NUP153: variants seen among roughly 807,000 people sequenced by gnomAD.
NUP153 encodes the protein nuclear pore complex protein Nup153.
A neutral mutation model predicts 134.6 loss-of-function variants in NUP153; 27 were observed. The ratio of observed to expected loss-of-function variants is 0.20; its 90% CI spans 0.15 to 0.28. NUP153 has a LOEUF of 0.28. Ranked by LOEUF, NUP153 falls within the 10% of genes least tolerant of loss-of-function variation. NUP153 has a pLI of 1.00. For synonymous variants in NUP153, 640 were observed against 623.5 expected (o/e 1.03, Z -0.40); for missense variants, 1,821 against 1,731.3 (o/e 1.05, Z -0.92).
At chr6:17,642,420 C>T (rs990902122) in intron 14 of NUP153, among the ~76,000 whole-genome samples, 2 of 152,056 alleles carry the variant, frequency 1.3e-5, no homozygotes, top group Admixed American at 6.5e-5. Context: ...GGCATTCCTC[C>T]CTAAGATATT....
At chr6:17,704,287 G>A (rs1417224659) in intron 1 of NUP153, among the ~76,000 whole-genome samples, 2 of 136,664 alleles carry the variant, frequency 1.5e-5, no homozygotes, top group Non-Finnish European at 3.2e-5. Flanking sequence ...GCGAGACTCC[G>A]TCTCAAAAAA....
Position 17,624,755 on chromosome 6 carries a change from A to C in NUP153, c.3980T>G (p.Phe1327Cys). 1 of 1,614,128 alleles carries C rather than the reference A, an allele frequency of 6.2e-7. No individual in the cohort carries two copies. Among genetic ancestry groups the C allele is most frequent in the Non-Finnish European group, 8.5e-7 (1 of 1,180,012 alleles). The change falls in exon 20 of 22, where the codon TTT becomes TGT. Residue 1327 changes from phenylalanine (F) to cysteine (C), a missense_variant. Phe to Cys is a radical substitution (Grantham distance 205). Transcript: ENST00000262077. The stretch of plus-strand genomic sequence containing the variant: ...CTGGCTGGCACCTTGACTTTGTCCA[A>C]ATGTTGGGGTCTGGTTAGCACCAAA... ...PAFGANQTPT[F>C]GQSQGASQPN...
In NUP153 at chr6:17,625,755, C is replaced by T. The variant is rs1764905712; in HGVS notation, c.3901+53G>A. On this transcript the variant is annotated intron_variant, in intron 19 of 21. Coordinates refer to ENST00000262077, the MANE Select transcript of NUP153 (RefSeq NM_005124.4). The surrounding 1 kb of genome is among the most constrained non-coding windows in gnomAD (Gnocchi z 4.7). ...ATGATATTCGCTAAGAACTGACACA[C>T]TAATAAGTAAAGTCCATCCAATTAC... The T allele has an allele frequency of 1.5e-6, 2 of 1,353,344 alleles. No homozygotes were observed. Among genetic ancestry groups the T allele is most frequent in the African/African-American group, 2.9e-5 (2 of 69,490 alleles). 83.8% of individuals were successfully genotyped at this position (1,353,344 alleles called of 1,614,324 possible).
chr6:17,649,386 A>T, intron 11 of NUP153, 86 bp from the exon 12 acceptor site: 1 of 1,278,016 alleles, frequency 7.8e-7, no homozygotes, highest in Non-Finnish European at 1.1e-6. Flanking sequence ...AGTATACAGG[A>T]AGAAGATGGT....
chr6:17,663,097 T>C (rs1018414775), intron 9 of NUP153, among the ~76,000 whole-genome samples: 3 of 152,114 alleles, frequency 2.0e-5, no homozygotes, highest in Non-Finnish European at 4.4e-5. Flanking sequence ...TGACCACTGC[T>C]ATGCATTATG....
intron 11 of NUP153, among the ~76,000 whole-genome samples, chr6:17,654,710 A>G (rs1416542256): frequency 6.6e-6 from 1 of 152,216 alleles, no homozygotes; most frequent in Non-Finnish European, 1.5e-5. Flanking sequence ...AAGAGGAAAA[A>G]AAAGCCAAGA....
At chr6:17,704,920 C>A (rs1770380811) in intron 1 of NUP153, among the ~76,000 whole-genome samples, 1 of 152,120 alleles carries the variant, frequency 6.6e-6, no homozygotes. Flanking sequence ...CCACCACGCC[C>A]GGCTAATTTT....
At chr6:17,692,571 T>C (rs1769348736) in intron 1 of NUP153, among the ~76,000 whole-genome samples, 2 of 152,128 alleles carry the variant, frequency 1.3e-5, no homozygotes, top group South Asian at 4.1e-4. Context: ...AATAATAAAA[T>C]GGACCTGGAA....
chr6:17,649,048 CTA>C (rs1169897519), intron 12 of NUP153, 113 bp downstream of exon 12: 41 of 948,796 alleles, frequency 4.3e-5, no homozygotes, highest in Non-Finnish European at 5.7e-5. Context: ...TCTCTGTTTA[CTA>C]TGTTATTAAT....
At chr6:17,656,452 A>G (rs922832339) in intron 11 of NUP153, among the ~76,000 whole-genome samples, 18 of 152,052 alleles carry the variant, frequency 1.2e-4, no homozygotes, top group African/African-American at 3.9e-4. Context: ...TTATTTTTTT[A>G]AAGACAGAGT....
At position 17,651,963 on chromosome 6, in the gene NUP153, C is replaced by CACAT. The variant is rs561253872; in HGVS notation, c.1396-2667_1396-2664dup. Reference sequence around the variant, plus strand: ...TTTAAAAATTGGCGAGGTATGATGGCACATGCCTGTGGTCCCAGCTACTTG... The same window carrying CACAT: ...TTTAAAAATTGGCGAGGTATGATGGCACATACATGCCTGTGGTCCCAGCTACTTG... On this transcript the variant is annotated intron_variant, in intron 11 of 21. Coordinates refer to ENST00000262077, the MANE Select transcript of NUP153 (RefSeq NM_005124.4). 2.1e-3 allele frequency: 1,234 copies of CACAT among 592,426 alleles called. 5 individuals carry two copies. The highest frequency in any genetic ancestry group is 0.018 in the African/African-American group (1,014 of 55,708). The allele number at this position is 592,426 out of a possible 1,614,324, so 36.7% of individuals were successfully genotyped here. A position where few individuals can be genotyped will look rare whatever the true frequency, so the allele number is the denominator to read the frequency against.
At chr6:17,652,103 A>T (rs139138885) in intron 11 of NUP153, among the ~76,000 whole-genome samples, 3,180 of 152,246 alleles carry the variant, frequency 0.021, 35 homozygotes, top group Middle Eastern at 0.037. Flanking sequence ...TCACCAAATA[A>T]AAGTTGGCAA....
chr6:17,648,541 C>T (rs1480626712), intron 12 of NUP153, among the ~76,000 whole-genome samples: 2 of 152,000 alleles, frequency 1.3e-5, no homozygotes, highest in African/African-American at 4.8e-5. Context: ...CACTTGAACC[C>T]GGGAGGTGGA....
intron 17 of NUP153, among the ~76,000 whole-genome samples, chr6:17,630,074 C>T (rs973891429): frequency 3.9e-5 from 6 of 152,062 alleles, no homozygotes; most frequent in African/African-American, 1.2e-4. Flanking sequence ...AAAGGGAGTG[C>T]GGTATACAGA....
intron 8 of NUP153, among the ~76,000 whole-genome samples, chr6:17,665,816 C>T (rs2113821892): frequency 6.6e-6 from 1 of 152,036 alleles, no homozygotes; most frequent in East Asian, 1.9e-4. Context: ...CCACAGCCTC[C>T]TGTGTACACA....
At chr6:17,664,160 T>A (rs984486467) in intron 9 of NUP153, among the ~76,000 whole-genome samples, 2 of 152,070 alleles carry the variant, frequency 1.3e-5, no homozygotes, top group African/African-American at 4.8e-5. Context: ...TACTACGACG[T>A]GAATGAACCT....
rs1157656745 is a variant in NUP153, at chr6:17,616,611, T to C, written c.4259A>G (p.Asn1420Ser). ...SPSGVFTFGA[N>S]SSTPAASAQP... ...GGCTGAGGCTGCAGGTGTGCTAGAA[T>C]TTGCACCAAATGTGAACACTCCTGA... The change falls in exon 21 of 22, where the codon AAT becomes AGT. Residue 1420 changes from asparagine (N) to serine (S), a missense_variant. Transcript: ENST00000262077. 2 of 1,614,178 alleles carry C rather than the reference T, an allele frequency of 1.2e-6. No individual in the cohort carries two copies. The highest frequency in any genetic ancestry group is 1.7e-6 in the Non-Finnish European group (2 of 1,180,018).
At chr6:17,656,082 G>C (rs1254685746) in intron 11 of NUP153, among the ~76,000 whole-genome samples, 1 of 151,742 alleles carries the variant, frequency 6.6e-6, no homozygotes, top group Non-Finnish European at 1.5e-5. Context: ...GCGTACGCTT[G>C]TAATCCCAGC....
rs570249457 is a variant in NUP153, at chr6:17,628,019, T to C, written c.3544+636A>G. ...TGTGGATCTAACTTGGATCACTCTT[T>C]GTACTGGTGCACTAAGTTTGGGGAA... On this transcript the variant is annotated intron_variant, in intron 18 of 21. Transcript: ENST00000262077. The surrounding 1 kb of genome is among the most constrained non-coding windows in gnomAD (Gnocchi z 5.4). 2.6e-5 allele frequency among the ~76,000 whole-genome samples: 4 copies of C among 152,330 alleles called. No homozygotes were observed. In the South Asian group the frequency reaches 8.3e-4, roughly 32 times the overall value.
Sources: allele counts gnomAD v4.1 joint callset (sites outside exome capture counted in the v4.1 genomes callset), GRCh38; gene constraint gnomAD v4.1.1; non-coding constraint Gnocchi (gnomAD v3.1); transcripts MANE v1.5; gene names NCBI Gene and HGNC (gene_info 2026-07-23, HGNC 2026-07-21).